The following MYBPC3 variants were observed in gnomAD, a reference collection of about 807,000 sequenced individuals.
MYBPC3 encodes the protein myosin binding protein C3, also known as myosin-binding protein C, cardiac-type.
In MYBPC3, 108 loss-of-function variants were observed where a neutral mutation model predicts 159.3. The ratio of observed to expected loss-of-function variants is 0.68; its 90% confidence interval spans 0.58 to 0.80. The LOEUF (loss-of-function observed/expected upper bound fraction) is 0.80. Among genes scored for constraint, MYBPC3 ranks in the 30% least tolerant of loss-of-function variants. MYBPC3 has a pLI of 0.00. For missense variants in MYBPC3, 1,631 were observed against 1,762.1 expected (o/e 0.93, Z 1.33); for synonymous variants, 730 against 702.0 (o/e 1.04, Z -0.63).
chr11:47,341,213 G>T lies in MYBPC3; in HGVS notation c.1822C>A (p.Pro608Thr). The change falls in exon 19 of 35, where the codon CCT (proline) becomes ACT (threonine). Residue 608 changes from proline to threonine, a missense_variant. By Grantham distance (38) the Pro-to-Thr change is conservative (BLOSUM62 -1). Transcript: ENST00000545968. ...AAGCTGTAGTCAGCCTCGTCGGCAG[G>T]TGTGACGTCGTCAATGGTCAGTTTG... The part of the protein sequence containing the change: ...VHKLTIDDVT[P>T]ADEADYSFVP... 6.3e-7 allele frequency: 1 copy of T among 1,596,576 alleles called. No homozygotes were observed. The highest frequency in any genetic ancestry group is 8.5e-7 in the Non-Finnish European group (1 of 1,171,816).
At position 47,345,242 on chromosome 11, in the gene MYBPC3, C is replaced by T. The variant is rs192691223; in HGVS notation, c.1090+965G>A. 1.2e-3 allele frequency among the ~76,000 whole-genome samples: 176 copies of T among 152,316 alleles called. No individual in the cohort carries two copies. The Middle Eastern group carries it at 0.024, about 21-fold the overall frequency. Reference sequence around the variant, plus strand: ...CTGGGCTCAGCAGTTCAGGAGTTAACCCAGAGGAACATTGGTGGCATTCAG... The same window carrying T: ...CTGGGCTCAGCAGTTCAGGAGTTAATCCAGAGGAACATTGGTGGCATTCAG... On this transcript the variant is annotated intron_variant, in intron 12 of 34. Coordinates refer to ENST00000545968, the MANE Select transcript of MYBPC3 (RefSeq NM_000256.3).
In MYBPC3 at chr11:47,333,631, T is replaced by C. The variant is rs368633238; in HGVS notation, c.3116A>G (p.His1039Arg). Residue 1039 changes from histidine to arginine, a missense_variant, in exon 29 of 35, where the codon CAT (histidine) becomes CGT (arginine). Transcript: ENST00000545968. ...ILFIRAARRV[H>R]SGTYQVTVRI... ...CACCGTCACCTGGTAAGTGCCTGAA[T>C]GCACGCGGCGAGCGGCCCGGATGAA... The C allele has an allele frequency of 6.2e-7, 1 of 1,607,000 alleles. No individual in the cohort carries two copies. The highest frequency in any genetic ancestry group is 1.3e-5 in the African/African-American group (1 of 74,944).
At chr11:47,343,399 C>G in intron 13 of MYBPC3, 93 bp downstream of exon 13, 4 of 1,491,314 alleles carry the variant, frequency 2.7e-6, no homozygotes, top group Non-Finnish European at 3.6e-6. Flanking sequence ...AGAGCCACAC[C>G]GAGTCAGAGA....
Position 47,346,496 on chromosome 11 carries a change from A to G in MYBPC3, c.927-126T>C, listed in dbSNP as rs1433561583. 4.1e-6 allele frequency: 6 copies of G among 1,454,884 alleles called. No homozygotes were observed. The African/African-American group carries it at 8.5e-5, about 21-fold the overall frequency. 90.1% of individuals were successfully genotyped at this position (1,454,884 alleles called of 1,614,324 possible). ...TCTGCCCCTTCCCTTCTGGTGGGGC[A>G]GCTGGAGCTGCTCTGGGTCCCAGGC... On this transcript the variant is annotated intron_variant, in intron 11 of 34. Coordinates refer to ENST00000545968, the MANE Select transcript of MYBPC3 (RefSeq NM_000256.3). This position sits in a 1 kb window ranked among gnomAD's most constrained non-coding sequence, Gnocchi z 5.3.
intron 20 of MYBPC3, 125 bp downstream of exon 20, chr11:47,340,878 T>C: frequency 1.8e-6 from 2 of 1,119,368 alleles, no homozygotes; most frequent in Non-Finnish European, 2.5e-6. Context: ...GTGGCAAAGC[T>C]GAAGCTGGGC....
intron 29 of MYBPC3, 85 bp downstream of exon 29, chr11:47,333,472 T>G: frequency 6.4e-7 from 1 of 1,556,558 alleles, no homozygotes; most frequent in Non-Finnish European, 8.7e-7. Context: ...AGCTGTGGGT[T>G]GGGTCCCCTG....
At position 47,333,664 on chromosome 11, in the gene MYBPC3, G is replaced by A. The variant is rs397516002; in HGVS notation, c.3083C>T (p.Thr1028Ile). 11 of 1,611,020 alleles carry A rather than the reference G, an allele frequency of 6.8e-6. No homozygotes were observed. The highest frequency in any genetic ancestry group is 1.3e-5 in the African/African-American group (1 of 74,952). The change falls in exon 29 of 35, where the codon ACC becomes ATC. Residue 1028 changes from threonine (T) to isoleucine (I), a missense_variant. Physicochemically the swap from Thr to Ile is moderately conservative, Grantham distance 89. Coordinates refer to ENST00000545968, the MANE Select transcript of MYBPC3 (RefSeq NM_000256.3). The part of the protein sequence containing the change: ...EVSIRNSPTD[T>I]ILFIRAARRV... ...GCGAGCGGCCCGGATGAACAGGATG[G>A]TGTCTGTGGGGCTGTTGCGGATGCT...
chr11:47,347,067 G>T, intron 9 of MYBPC3, 38 bp from the exon 10 acceptor site: 1 of 869,180 alleles, frequency 1.2e-6, no homozygotes, highest in Non-Finnish European at 1.9e-6. Flanking sequence ...GGAGGGGCCG[G>T]GGGAGAGGGA....
In MYBPC3 at chr11:47,335,886, G is replaced by T. The variant is rs397515985; in HGVS notation, c.2728C>A (p.Pro910Thr). ...GGGCGGGGACACTCACAGCCCTCTG[G>T]GCAGTACTCCACGCTGTAGCCATCC... ...GLDGYSVEYCPEGCSEWVAAL... is the reference protein window; with the variant it reads ...GLDGYSVEYCTEGCSEWVAAL... The change falls in exon 26 of 35, where the codon CCA becomes ACA. Residue 910 changes from proline to threonine, a missense_variant. Physicochemically the swap from Pro to Thr is conservative, Grantham distance 38. Transcript: ENST00000545968. 2.5e-4 allele frequency: 379 copies of T among 1,526,178 alleles called. No individual in the cohort carries two copies. The highest frequency in any genetic ancestry group is 3.2e-4 in the Non-Finnish European group (361 of 1,133,732). 94.5% of individuals were successfully genotyped at this position (1,526,178 alleles called of 1,614,324 possible). A position where few individuals can be genotyped will look rare whatever the true frequency, so the allele number is the denominator to read the frequency against.
chr11:47,343,061 C>A lies in MYBPC3; in HGVS notation c.1311G>T (p.Val437=), dbSNP rs1060504240. ...CCGTGCTACACTTCTCGCCACCCAC[C>A]ACGCACTGGTAGGCTGCGTCGTCCG... ...SLADDAAYQC[V]VGGEKCSTEL... is the part of the protein sequence containing the mutation. Residue 437 remains valine (V), a synonymous_variant, in exon 15 of 35, where the codon GTG becomes GTT. Transcript: ENST00000545968. 1 of 1,613,006 alleles carries A rather than the reference C, an allele frequency of 6.2e-7. No homozygotes were observed. The highest frequency in any genetic ancestry group is 1.7e-5 in the Admixed American group (1 of 59,880).
intron 24 of MYBPC3, 38 bp from the exon 25 acceptor site, chr11:47,337,617 A>T: frequency 6.2e-7 from 1 of 1,613,120 alleles, no homozygotes; most frequent in Non-Finnish European, 8.5e-7. Flanking sequence ...TCTGGAACCC[A>T]GGCATCCCCA....
At chr11:47,350,439 T>G in intron 3 of MYBPC3, 63 bp downstream of exon 3, 1 of 1,529,146 alleles carries the variant, frequency 6.5e-7, no homozygotes, top group Non-Finnish European at 8.8e-7. Flanking sequence ...CAAAGGCTTT[T>G]GAGACCTGCC....
chr11:47,336,107 G>C, intron 25 of MYBPC3, 96 bp from the exon 26 acceptor site: 1 of 1,212,520 alleles, frequency 8.2e-7, no homozygotes, highest in Non-Finnish European at 1.1e-6. Context: ...TCACATAGGG[G>C]GCACTTCCTG....
chr11:47,343,324 GGA>G (rs1310054838), intron 13 of MYBPC3, 62 bp from the exon 14 acceptor site: 195 of 1,511,486 alleles, frequency 1.3e-4, no homozygotes, highest in Admixed American at 6.2e-4. Context: ...CGAGACAAAA[GGA>G]GAGAGAGAGA....
intron 5 of MYBPC3, 42 bp from the exon 6 acceptor site, chr11:47,348,583 C>A (rs934529076): frequency 2.0e-6 from 3 of 1,515,572 alleles, no homozygotes; most frequent in Non-Finnish European, 2.7e-6. Flanking sequence ...ACACCAGGGG[C>A]CGGGAGACAA....
Position 47,342,809 on chromosome 11 carries a change from C to A in MYBPC3, c.1457+21G>T, listed in dbSNP as rs373530475. ...TGGGCAGATGCCCCCAACACCCATG[C>A]CCCGTGCTTCTGGAACTCACCATTT... On this transcript the variant is annotated intron_variant, in intron 16 of 34. Coordinates refer to ENST00000545968, the MANE Select transcript of MYBPC3 (RefSeq NM_000256.3). 1,042 of 1,612,216 alleles carry A rather than the reference C, an allele frequency of 6.5e-4. 4 individuals carry two copies. Among genetic ancestry groups the A allele is most frequent in the Non-Finnish European group, 1.6e-4 (194 of 1,178,816 alleles).
chr11:47,351,448 A>C lies in MYBPC3; in HGVS notation c.83T>G (p.Val28Gly), dbSNP rs1388702628. The C allele has an allele frequency of 6.2e-7, 1 of 1,603,278 alleles. No individual in the cohort carries two copies. Among genetic ancestry groups the C allele is most frequent in the East Asian group, 2.2e-5 (1 of 44,548 alleles). Residue 28 changes from valine to glycine, a missense_variant, in exon 2 of 35, where the codon GTG (valine) becomes GGG (glycine). By Grantham distance (109) the Val-to-Gly change is moderately radical. Coordinates refer to ENST00000545968, the MANE Select transcript of MYBPC3 (RefSeq NM_000256.3). This position sits in a 1 kb window ranked among gnomAD's most constrained non-coding sequence, Gnocchi z 4.2. Reference protein sequence around the residue: ...SVEVAAGSPAVFEAETERAGV... With the variant: ...SVEVAAGSPAGFEAETERAGV... The stretch of plus-strand genomic sequence containing the variant: ...TGCCCGCTCTGTCTCGGCCTCGAAC[A>C]CGGCAGGGCTGCCTGCGGCCACTTC...
rs759054956 is a variant in MYBPC3 at position 47,331,568 on chromosome 11, A to G, written c.*175T>C. ...AGGAGCCCTGTGGACCAGTCTGTGC[A>G]ACACCCACTCAGGACTGCCCGACAA... On this transcript the variant is annotated 3_prime_UTR_variant, in exon 35 of 35. Transcript: ENST00000545968. 10 of 431,042 alleles carry G rather than the reference A, an allele frequency of 2.3e-5. No individual in the cohort carries two copies. The highest frequency in any genetic ancestry group is 4.2e-5 in the Non-Finnish European group (10 of 237,030). The allele number at this position is 431,042 out of a possible 1,614,324, so 26.7% of individuals were successfully genotyped here. A position where few individuals can be genotyped will look rare whatever the true frequency, so the allele number is the denominator to read the frequency against.
chr11:47,352,248 T>C (rs1310611009), intron 1 of MYBPC3, among the ~76,000 whole-genome samples: 1 of 152,158 alleles, frequency 6.6e-6, no homozygotes, highest in Non-Finnish European at 1.5e-5. Flanking sequence ...TCTGAAGGCA[T>C]GCCGTGAGCC....
Sources: allele counts gnomAD v4.1 joint callset (sites outside exome capture counted in the v4.1 genomes callset), GRCh38; gene constraint gnomAD v4.1.1; non-coding constraint Gnocchi (gnomAD v3.1); transcripts MANE v1.5; gene names NCBI Gene and HGNC (gene_info 2026-07-23, HGNC 2026-07-21).